The following AK5 variants were observed in gnomAD, a reference collection of about 807,000 sequenced individuals.
AK5 encodes the protein adenylate kinase 5.
AK5 carries 27 observed loss-of-function variants against 69.5 expected under a neutral mutation model. The observed-to-expected ratio is 0.39, with a 90% confidence interval of 0.29 to 0.54. The LOEUF is 0.54. AK5 is among the 20% of genes least tolerant of loss of function. AK5 has a pLI of 0.71. For synonymous variants in AK5, 260 were observed against 244.4 expected, an observed-to-expected ratio of 1.06 and a Z score of -0.60; for missense variants, 531 against 700.4, an observed-to-expected ratio of 0.76 and a Z score of 2.73.
chr1:77,495,480 A>T (rs564789347), intron 10 of AK5, among the ~76,000 whole-genome samples: 122 of 152,350 alleles, frequency 8.0e-4, no homozygotes, highest in Admixed American at 1.8e-3. Flanking sequence ...TACCCCAGCC[A>T]TGTTTCTCTC....
chr1:77,521,612 A>G (rs908412143), intron 11 of AK5, among the ~76,000 whole-genome samples: 10 of 152,208 alleles, frequency 6.6e-5, no homozygotes, highest in African/African-American at 2.4e-4. Context: ...CAATTAAACT[A>G]TGACTCAGAA....
intron 6 of AK5, among the ~76,000 whole-genome samples, chr1:77,387,054 T>C (rs1465264768): frequency 6.6e-6 from 1 of 152,198 alleles, no homozygotes; most frequent in African/African-American, 2.4e-5. Context: ...TAGAATTCCA[T>C]TGTGTAAATG....
chr1:77,354,336 G>A (rs191823830), intron 6 of AK5, among the ~76,000 whole-genome samples: 79 of 152,156 alleles, frequency 5.2e-4, no homozygotes, highest in African/African-American at 1.7e-3. Context: ...CTAATGGGGG[G>A]GTACTGAAAG....
At chr1:77,483,793 A>G (rs1655416753) in intron 9 of AK5, among the ~76,000 whole-genome samples, 1 of 152,234 alleles carries the variant, frequency 6.6e-6, no homozygotes, top group Non-Finnish European at 1.5e-5. Context: ...CCTGGTAGTT[A>G]CTATTCCACG....
chr1:77,482,140 CTATT>C (rs1655292424), intron 8 of AK5, among the ~76,000 whole-genome samples: 1 of 152,086 alleles, frequency 6.6e-6, no homozygotes, highest in South Asian at 2.1e-4. Flanking sequence ...ATCATAATAT[CTATT>C]TATGTTCACA....
chr1:77,285,525 G>T (rs1255045436), intron 1 of AK5, among the ~76,000 whole-genome samples: 1 of 152,114 alleles, frequency 6.6e-6, no homozygotes, highest in Admixed American at 6.6e-5. Context: ...CCCTTCAAAG[G>T]GTGTTTTGTA....
chr1:77,444,387 ATATATAGTATAAATATATAC>A (rs1427242708), intron 8 of AK5, among the ~76,000 whole-genome samples: 1 of 41,020 alleles, frequency 2.4e-5, no homozygotes, highest in African/African-American at 8.3e-5. Context: ...TATATATAGT[ATATATAGTATAAATATATAC>A]TATATATAGT....
chr1:77,509,091 G>A (rs1183623445), intron 10 of AK5, among the ~76,000 whole-genome samples: 1 of 152,186 alleles, frequency 6.6e-6, no homozygotes, highest in African/African-American at 2.4e-5. Flanking sequence ...GAGTGGTCAA[G>A]AGCCAAGGTC....
At chr1:77,444,674 T>C (rs2100645686) in intron 8 of AK5, among the ~76,000 whole-genome samples, 1 of 128,256 alleles carries the variant, frequency 7.8e-6, no homozygotes, top group East Asian at 2.2e-4. Context: ...ATATATACTA[T>C]ATATAGTATA....
At chr1:77,391,445 ATG>A (rs1160587432) in intron 6 of AK5, among the ~76,000 whole-genome samples, 3 of 134,560 alleles carry the variant, frequency 2.2e-5, no homozygotes, top group African/African-American at 5.8e-5. Context: ...ATATACATAT[ATG>A]TGTGTGTATA....
chr1:77,337,161 C>A (rs1485890588), intron 5 of AK5, among the ~76,000 whole-genome samples: 3 of 152,060 alleles, frequency 2.0e-5, no homozygotes, highest in African/African-American at 4.8e-5. Context: ...TATTAAAAAA[C>A]CACATAAATT....
At chr1:77,443,076 A>G (rs1409232898) in intron 8 of AK5, among the ~76,000 whole-genome samples, 1 of 152,206 alleles carries the variant, frequency 6.6e-6, no homozygotes, top group Non-Finnish European at 1.5e-5. Flanking sequence ...TAAATTCTGC[A>G]TCTTCTGACT....
intron 5 of AK5, among the ~76,000 whole-genome samples, chr1:77,301,769 A>G (rs952305051): frequency 2.6e-5 from 4 of 152,196 alleles, no homozygotes; most frequent in Admixed American, 2.0e-4. Flanking sequence ...CAATGAAATA[A>G]AGGCTCCTAT....
chr1:77,283,748 T>C (rs1218723243), intron 1 of AK5: 2 of 479,652 alleles, frequency 4.2e-6, no homozygotes, highest in African/African-American at 2.1e-5. Context: ...GAGTTGTTTT[T>C]TTTGTTTGTT....
chr1:77,537,399 T>C (rs1410253813), intron 13 of AK5, among the ~76,000 whole-genome samples: 2 of 152,132 alleles, frequency 1.3e-5, no homozygotes, highest in African/African-American at 4.8e-5. Flanking sequence ...ATAATTGTCC[T>C]CTGAGTGATG....
rs1447644514 is a variant in AK5 at position 77,297,817 on chromosome 1, CTT to C, written c.586-15_586-14del. On this transcript the variant is annotated splice_polypyrimidine_tract_variant and intron_variant, in intron 4 of 13. Coordinates refer to ENST00000354567, the MANE Select transcript of AK5 (RefSeq NM_174858.3). ...TTAACTGTGGGGTTTTTTTGTCATC[CTT>C]TCTGTTTATAAAAGGAAACAACAAT... 45 of 1,604,542 alleles carry C rather than the reference CTT, an allele frequency of 2.8e-5. No individual in the cohort carries two copies. The highest frequency in any genetic ancestry group is 3.4e-5 in the Non-Finnish European group (40 of 1,176,176).
At chr1:77,548,535 C>T (rs139112538) in intron 13 of AK5, among the ~76,000 whole-genome samples, 1 of 152,246 alleles carries the variant, frequency 6.6e-6, no homozygotes, top group Admixed American at 6.5e-5. Flanking sequence ...GCACACAGAC[C>T]GTGATCCTAA....
At chr1:77,353,440 T>A (rs1473769105) in intron 6 of AK5, among the ~76,000 whole-genome samples, 1 of 152,156 alleles carries the variant, frequency 6.6e-6, no homozygotes, top group African/African-American at 2.4e-5. Context: ...ATCGTGCCAC[T>A]GTACTCCAGC....
chr1:77,411,679 C>T (rs915998882), intron 7 of AK5, among the ~76,000 whole-genome samples: 19 of 152,330 alleles, frequency 1.2e-4, no homozygotes, highest in Admixed American at 1.2e-3. Context: ...AACATCAATT[C>T]TATGTGGATG....
Sources: gnomAD v4.1 joint callset for allele counts (sites outside exome capture counted in the v4.1 genomes callset) on GRCh38, gnomAD v4.1.1 for gene constraint, MANE v1.5 for transcripts, NCBI Gene and HGNC (gene_info 2026-07-23, HGNC 2026-07-21) for gene names.